Variants in NBPF14 observed in about 807,000 individuals in gnomAD.
NBPF14 encodes NBPF family member NBPF14.
A neutral mutation model predicts 91.2 loss-of-function variants in NBPF14; 104 were observed. The ratio of observed to expected loss-of-function variants is 1.14; its 90% CI spans 0.97 to 1.34. The LOEUF is 1.34. NBPF14 is among the 40% of genes most tolerant of loss of function. The pLI, the probability that NBPF14 is intolerant of heterozygous loss-of-function variation, is 0.00. For missense variants in NBPF14, 908 were observed against 783.0 expected (o/e 1.16, Z -1.91); for synonymous variants, 294 against 303.8 (o/e 0.97, Z 0.34).
chr1:148,577,588 A>T (rs1367195710), intron 14 of NBPF14, among the ~76,000 whole-genome samples: 1 of 150,526 alleles, frequency 6.6e-6, no homozygotes, highest in Admixed American at 6.6e-5. Flanking sequence ...TCACACACAC[A>T]CAGAGCGAGG....
In NBPF14 at chr1:148,566,324, G is replaced by C. The variant is rs1251099328; in HGVS notation, c.3543-9C>G. The C allele has an allele frequency of 9.1e-6, 7 of 767,616 alleles. No homozygotes were observed. The highest frequency in any genetic ancestry group is 1.4e-5 in the Non-Finnish European group (6 of 438,782). 47.6% of individuals were successfully genotyped at this position (767,616 alleles called of 1,614,324 possible). ...GCAGCTCCCTGCTGAGCCTGGAAAAGGAGGAAAAGGTAAAGAATAAGCCAG... is the reference window on the plus strand; with the variant it reads ...GCAGCTCCCTGCTGAGCCTGGAAAACGAGGAAAAGGTAAAGAATAAGCCAG... On this transcript the variant is annotated splice_polypyrimidine_tract_variant and intron_variant, in intron 28 of 70. Coordinates refer to ENST00000619423, the Ensembl canonical transcript of NBPF14.
intron 68 of NBPF14, among the ~76,000 whole-genome samples, chr1:148,535,161 A>C (rs1399196945): frequency 6.7e-6 from 1 of 149,540 alleles, no homozygotes; most frequent in East Asian, 2.0e-4. Context: ...CACACAGCGA[A>C]CAGTGATCAT....
chr1:148,541,992 T>A (rs1470096911), intron 59 of NBPF14, among the ~76,000 whole-genome samples, 153 bp from the exon 60 acceptor site: 1 of 30,552 alleles, frequency 3.3e-5, no homozygotes, highest in Non-Finnish European at 4.7e-5. Flanking sequence ...GAAGGCTGGT[T>A]ATGATAGAAA....
chr1:148,566,515 AC>A, intron 28 of NBPF14, among the ~76,000 whole-genome samples, 200 bp from the exon 29 acceptor site: 1 of 127,422 alleles, frequency 7.8e-6, no homozygotes. Context: ...ACAGACACAC[AC>A]ACACACACAC....
Position 148,539,367 on chromosome 1 carries a change from A to G in NBPF14, c.7882+43T>C, listed in dbSNP as rs1409385516. ...GAACAGGAATATCACCCCTATCTGGAAGACCAGGTGGAGGCTTATCACCTT... is the reference window on the plus strand; with the variant it reads ...GAACAGGAATATCACCCCTATCTGGGAGACCAGGTGGAGGCTTATCACCTT... On this transcript the variant is annotated intron_variant, in intron 63 of 70. Transcript: ENST00000619423. The G allele has an allele frequency of 3.3e-4, 162 of 486,796 alleles. 36 individuals are homozygous for G. In the East Asian group the frequency reaches 5.2e-3, roughly 16 times the overall value. 30.2% of individuals were successfully genotyped at this position (486,796 alleles called of 1,614,324 possible).
Position 148,533,857 on chromosome 1 carries a change from T to A in NBPF14, c.8723+4A>T, listed in dbSNP as rs1187850972. ...ACTAAGGATCCACAATTGCTGAAAG[T>A]CACCTGGGGCATGGTGGGTTTTGAT... On this transcript the variant is annotated splice_donor_region_variant and intron_variant, in intron 70 of 70. Transcript: ENST00000619423. 3 of 764,908 alleles carry A rather than the reference T, an allele frequency of 3.9e-6. 1 individual carries two copies. The highest frequency in any genetic ancestry group is 2.7e-5 in the South Asian group (2 of 74,488). 47.4% of individuals were successfully genotyped at this position (764,908 alleles called of 1,614,324 possible).
chr1:148,535,484 C>A, exon 68 of NBPF14: 2 of 453,962 alleles, frequency 4.4e-6, no homozygotes, highest in South Asian at 2.1e-5. Context: ...TCTTCTTCCA[C>A]TTCTTGGTAC....
chr1:148,535,010 G>C (rs1164207313), intron 68 of NBPF14, among the ~76,000 whole-genome samples, 154 bp from the exon 69 acceptor site: 2 of 147,510 alleles, frequency 1.4e-5, no homozygotes, highest in Admixed American at 6.7e-5. Flanking sequence ...TGTTGGGATA[G>C]ACCAGGGCCA....
At chr1:148,590,289 C>A (rs1662270373) in intron 6 of NBPF14, among the ~76,000 whole-genome samples, 1 of 141,818 alleles carries the variant, frequency 7.1e-6, no homozygotes, top group Admixed American at 7.0e-5. Flanking sequence ...AATCTCCTGA[C>A]CTCATGATCC....
intron 12 of NBPF14, among the ~76,000 whole-genome samples, chr1:148,579,774 A>G (rs1660617887): frequency 1.3e-5 from 2 of 152,210 alleles, no homozygotes; most frequent in Admixed American, 1.3e-4. Context: ...CACATGGGAG[A>G]GAATAGGCAA....
chr1:148,572,396 C>A, intron 21 of NBPF14, 47 bp downstream of exon 21: 3 of 410,178 alleles, frequency 7.3e-6, no homozygotes, highest in Non-Finnish European at 1.2e-5. Context: ...TCACCCCTAT[C>A]TGGAAGACCA....
At position 148,533,829 on chromosome 1, in the gene NBPF14, A is replaced by G. The variant is rs1200619158; in HGVS notation, c.8723+32T>C. On this transcript the variant is annotated intron_variant, in intron 70 of 70. Transcript: ENST00000619423. Reference sequence around the variant, plus strand: ...ATCTGTTGCCTCCAGGAGTTAACACAGAACTAAGGATCCACAATTGCTGAA... The same window carrying G: ...ATCTGTTGCCTCCAGGAGTTAACACGGAACTAAGGATCCACAATTGCTGAA... The G allele has an allele frequency of 4.6e-4, 350 of 767,400 alleles. 5 individuals are homozygous for G. Among genetic ancestry groups the G allele is most frequent in the South Asian group, 4.4e-3 (329 of 74,534 alleles). 47.5% of individuals were successfully genotyped at this position (767,400 alleles called of 1,614,324 possible).
chr1:148,575,841 G>A (rs1431984446), intron 16 of NBPF14, 30 bp from the exon 17 acceptor site: 27 of 320,230 alleles, frequency 8.4e-5, no homozygotes, highest in Non-Finnish European at 1.4e-4. Context: ...TAAAGAATAA[G>A]CCAGGGGGAA....
chr1:148,566,502 A>AAGAC lies in NBPF14; in HGVS notation c.3543-191_3543-188dup, dbSNP rs1275796464. 2.6e-5 allele frequency among the ~76,000 whole-genome samples: 3 copies of AAGAC among 115,796 alleles called. 1 individual carries two copies. The highest frequency in any genetic ancestry group is 5.4e-5 in the Non-Finnish European group (3 of 56,030). 76.0% of individuals were successfully genotyped at this position (115,796 alleles called of 152,430 possible). A position where few individuals can be genotyped will look rare whatever the true frequency, so the allele number is the denominator to read the frequency against. ...GCCAAATGGAAAAGAATGAAAGAGA[A>AAGAC]AGACAGACACACACACACACACACA... is the stretch of plus-strand genomic sequence containing the variant. On this transcript the variant is annotated intron_variant, in intron 28 of 70. Coordinates refer to ENST00000619423, the Ensembl canonical transcript of NBPF14.
chr1:148,573,135 C>T, intron 20 of NBPF14, 95 bp downstream of exon 20: 4 of 37,884 alleles, frequency 1.1e-4, no homozygotes, highest in Middle Eastern at 7.8e-3. Flanking sequence ...TCAGCCTTCG[C>T]TGAAAACATG....
chr1:148,559,641 T>C (rs1657322549), intron 37 of NBPF14, among the ~76,000 whole-genome samples, 152 bp downstream of exon 37: 1 of 125,308 alleles, frequency 8.0e-6, no homozygotes, highest in East Asian at 2.4e-4. Flanking sequence ...GGCTTCCAAG[T>C]GGAACTAGAG....
chr1:148,595,313 C>A (rs1488437459), intron 2 of NBPF14, among the ~76,000 whole-genome samples: 3 of 148,276 alleles, frequency 2.0e-5, no homozygotes, highest in African/African-American at 5.0e-5. Context: ...AAATCAATAA[C>A]TGTGAGTTTA....
intron 68 of NBPF14, among the ~76,000 whole-genome samples, chr1:148,535,218 A>G (rs1654884214): frequency 2.7e-5 from 4 of 149,746 alleles, no homozygotes; most frequent in African/African-American, 7.6e-5. Context: ...TCAAGATTCC[A>G]TACAGTTGCC....
intron 68 of NBPF14, among the ~76,000 whole-genome samples, chr1:148,535,236 C>T (rs1333637668): frequency 1.3e-5 from 2 of 150,556 alleles, no homozygotes; most frequent in East Asian, 1.9e-4. Context: ...GCCATACAGC[C>T]TTTGAGGTAT....
Sources: allele counts gnomAD v4.1 joint callset (sites outside exome capture counted in the v4.1 genomes callset), GRCh38; gene constraint gnomAD v4.1.1; transcripts MANE v1.5; gene names NCBI Gene and HGNC (gene_info 2026-07-23, HGNC 2026-07-21).